Variants in ESR2 observed in about 807,000 individuals in gnomAD.
The protein encoded by ESR2 is estrogen receptor beta.
In ESR2, 36 loss-of-function variants were observed where a neutral mutation model predicts 49.6. The observed-to-expected ratio is 0.73, with a 90% CI of 0.56 to 0.96. The LOEUF is 0.96. ESR2 is among the 40% of genes least tolerant of loss of function. ESR2 has a pLI of 0.00. For synonymous variants in ESR2, 320 were observed against 266.1 expected (o/e 1.20, Z -1.97); for missense variants, 714 against 693.0 (o/e 1.03, Z -0.34).
chr14:64,227,924 C>A (rs1178230342), downstream of ESR2: 16 of 1,597,290 alleles, frequency 1.0e-5, no homozygotes, highest in Admixed American at 2.2e-4. Flanking sequence ...TTGCTTTTCT[C>A]CCCATCTGTA....
chr14:64,301,488 G>A (rs1233410362), intron 1 of ESR2: 3 of 152,230 alleles, frequency 2.0e-5, no homozygotes, highest in Non-Finnish European at 1.5e-5. Context: ...CACTGTGGAA[G>A]CTTCATTCAG....
intron 1 of ESR2, among the ~76,000 whole-genome samples, chr14:64,331,548 CG>C (rs1272479741): frequency 2.6e-5 from 4 of 152,076 alleles, no homozygotes; most frequent in African/African-American, 9.7e-5. Flanking sequence ...CCTTTGGGGC[CG>C]GGCCCAGTGG....
In ESR2 at chr14:64,230,614, A is replaced by G. The variant is rs1354599818; in HGVS notation, c.*2523T>C. 6.6e-6 allele frequency among the ~76,000 whole-genome samples: 1 copy of G among 151,982 alleles called. No individual in the cohort carries two copies. Among genetic ancestry groups the G allele is most frequent in the African/African-American group, 2.4e-5 (1 of 41,360 alleles). ...TGTTCCCGCCTTAATTTTTTGAGAA[A>G]AATCCCTTCAAGACTATTTTAGGGT... On this transcript the variant is annotated 3_prime_UTR_variant, in exon 9 of 9. Coordinates refer to ENST00000341099, the MANE Select transcript of ESR2 (RefSeq NM_001437.3).
Position 64,322,084 on chromosome 14 carries a change from G to A in ESR2, c.-91+15814C>T, listed in dbSNP as rs1270289157. Among the ~76,000 whole-genome samples the A allele has an allele frequency of 2.0e-5, 3 of 151,960 alleles. No individual in the cohort carries two copies. In the East Asian group the frequency reaches 5.8e-4, roughly 29 times the overall value. ...TATTATTATTATTATTTGAGACAGA[G>A]TTTTGCTCTTGTCACCCAGGCTGGA... is the stretch of plus-strand genomic sequence containing the variant. On this transcript the variant is annotated intron_variant, in intron 1 of 8. Coordinates refer to the ESR2 transcript ENST00000358599.
intron 1 of ESR2, among the ~76,000 whole-genome samples, chr14:64,308,068 G>A (rs892371229): frequency 6.6e-6 from 1 of 152,068 alleles, no homozygotes; most frequent in African/African-American, 2.4e-5. Context: ...AGACTGGAGT[G>A]CAGTGGCATG....
At chr14:64,265,374 C>T (rs1255194250) in intron 4 of ESR2, among the ~76,000 whole-genome samples, 1 of 152,216 alleles carries the variant, frequency 6.6e-6, no homozygotes, top group Non-Finnish European at 1.5e-5. Flanking sequence ...CCCTACAGTA[C>T]AGGAACTATT....
intron 1 of ESR2, among the ~76,000 whole-genome samples, chr14:64,304,229 C>A (rs2140871515): frequency 6.6e-6 from 1 of 152,330 alleles, no homozygotes; most frequent in African/African-American, 2.4e-5. Flanking sequence ...ATCACCTGAG[C>A]CCGGCAGGTT....
chr14:64,310,286 A>AAAAAAAATAATAATAATAATAAT (rs1555595498), intron 1 of ESR2, among the ~76,000 whole-genome samples: 1 of 142,468 alleles, frequency 7.0e-6, no homozygotes, highest in African/African-American at 2.6e-5. Flanking sequence ...TCGTCTCAAA[A>AAAAAAAATAATAATAATAATAAT]AATAATAATA....
chr14:64,323,995 C>T (rs1380709419), intron 1 of ESR2, among the ~76,000 whole-genome samples: 6 of 152,032 alleles, frequency 3.9e-5, no homozygotes, highest in African/African-American at 1.4e-4. Context: ...CCCAGCCAGT[C>T]CTATATGTTT....
intron 1 of ESR2, among the ~76,000 whole-genome samples, chr14:64,327,592 A>T (rs1178628319): frequency 6.6e-6 from 1 of 152,170 alleles, no homozygotes; most frequent in Non-Finnish European, 1.5e-5. Context: ...GCTACTCGGG[A>T]GACTGAGGCA....
chr14:64,256,652 C>T (rs575442095), intron 6 of ESR2, among the ~76,000 whole-genome samples: 1 of 152,188 alleles, frequency 6.6e-6, no homozygotes, highest in East Asian at 1.9e-4. Context: ...TCACTTGAAT[C>T]CGGTAGGCGG....
At chr14:64,311,363 G>A (rs1056496662) in intron 1 of ESR2, among the ~76,000 whole-genome samples, 1 of 152,092 alleles carries the variant, frequency 6.6e-6, no homozygotes, top group African/African-American at 2.4e-5. Context: ...CAACACACTG[G>A]GGATGGTGGT....
chr14:64,244,607 C>A (rs1002818846), intron 7 of ESR2, among the ~76,000 whole-genome samples: 1 of 152,158 alleles, frequency 6.6e-6, no homozygotes, highest in African/African-American at 2.4e-5. Flanking sequence ...CCCTGGGACT[C>A]ACACCAGTGG....
rs1182092438 is a variant in ESR2 at position 64,257,454 on chromosome 14, TAAG to T, written c.953-93_953-91del. The T allele has an allele frequency of 2.0e-6, 3 of 1,480,342 alleles. No homozygotes were observed. In the African/African-American group the frequency reaches 4.2e-5, roughly 21 times the overall value. The allele number at this position is 1,480,342 out of a possible 1,614,324, so 91.7% of individuals were successfully genotyped here. ...GACAGAATGGCAAGTGTTAAAACAC[TAAG>T]AAAACACAAACCATTAGGGAGTTGA... On this transcript the variant is annotated intron_variant, in intron 5 of 8. Coordinates refer to ENST00000341099, the MANE Select transcript of ESR2 (RefSeq NM_001437.3).
intron 6 of ESR2, 135 bp downstream of exon 6, chr14:64,257,091 G>A (rs1348789885): frequency 1.5e-5 from 12 of 791,220 alleles, no homozygotes. Flanking sequence ...TTGACCCAGT[G>A]AAGGAGCTGA....
intron 3 of ESR2, among the ~76,000 whole-genome samples, chr14:64,277,469 C>CA (rs1198684026): frequency 6.6e-6 from 1 of 151,552 alleles, no homozygotes; most frequent in Non-Finnish European, 1.5e-5. Flanking sequence ...ACTAAAAATA[C>CA]AAAAAATTAG....
intron 4 of ESR2, among the ~76,000 whole-genome samples, chr14:64,267,847 G>A (rs556629502): frequency 6.7e-6 from 1 of 149,126 alleles, no homozygotes; most frequent in African/African-American, 2.5e-5. Flanking sequence ...ATGGGCCACT[G>A]CACTCCAGTC....
Position 64,229,223 on chromosome 14 carries a change from G to A in ESR2, c.*3914C>T, listed in dbSNP as rs2098725033. On this transcript the variant is annotated 3_prime_UTR_variant, in exon 9 of 9. Transcript: ENST00000341099. ...TGAGGAGATGGGATCTAAAGGTACA[G>A]CAGAAGACAACCCTAACTTCACCGC... Among the ~76,000 whole-genome samples the A allele has an allele frequency of 6.6e-6, 1 of 152,114 alleles. No homozygotes were observed. The highest frequency in any genetic ancestry group is 6.5e-5 in the Admixed American group (1 of 15,280).
rs894313443 is a variant in ESR2, at chr14:64,232,830, T to G, written c.*307A>C. On this transcript the variant is annotated 3_prime_UTR_variant, in exon 9 of 9. Transcript: ENST00000341099. ...GATTTCCACCATTCATTCCAAAACC[T>G]TTAAGATGTTTCACAAAGGGGAGGA... 5.7e-5 allele frequency: 17 copies of G among 299,032 alleles called. No individual in the cohort carries two copies. Among genetic ancestry groups the G allele is most frequent in the African/African-American group, 2.7e-4 (13 of 47,708 alleles). 18.5% of individuals were successfully genotyped at this position (299,032 alleles called of 1,614,324 possible). A position where few individuals can be genotyped will look rare whatever the true frequency, so the allele number is the denominator to read the frequency against.
Sources: gnomAD v4.1 joint callset for allele counts (sites outside exome capture counted in the v4.1 genomes callset) on GRCh38, gnomAD v4.1.1 for gene constraint, MANE v1.5 for transcripts, NCBI Gene and HGNC (gene_info 2026-07-23, HGNC 2026-07-21) for gene names.